SOX5: variants seen among roughly 807,000 people sequenced by gnomAD.
SOX5 encodes the protein SRY-box transcription factor 5, also known as transcription factor SOX-5.
A neutral mutation model predicts 92.0 loss-of-function variants in SOX5; 9 were observed. The ratio of observed to expected loss-of-function variants is 0.10; its 90% CI spans 0.06 to 0.17. The LOEUF is 0.17. Among genes scored for constraint, SOX5 ranks in the 10% least tolerant of loss-of-function variants. The probability of loss-of-function intolerance (pLI) is 1.00; values close to 1 mark genes in which losing one functional copy is unlikely to be tolerated. For synonymous variants in SOX5, 344 were observed against 336.3 expected (o/e 1.02, Z -0.25); for missense variants, 642 against 944.5 (o/e 0.68, Z 4.20).
intron 1 of SOX5, among the ~76,000 whole-genome samples, chr12:24,439,388 T>C (rs775262585): frequency 3.3e-5 from 5 of 152,192 alleles, no homozygotes; most frequent in Non-Finnish European, 5.9e-5. Flanking sequence ...GAGGTATGCC[T>C]GTATAGTTAT....
At chr12:23,806,654 GGA>G (rs889651071) in intron 3 of SOX5, among the ~76,000 whole-genome samples, 16 of 131,334 alleles carry the variant, frequency 1.2e-4, no homozygotes, top group African/African-American at 4.1e-4. Context: ...ATAGTGGAGT[GGA>G]AAAAAAAAAA....
intron 4 of SOX5, among the ~76,000 whole-genome samples, chr12:24,085,248 A>G (rs1397468042): frequency 3.9e-5 from 6 of 152,108 alleles, no homozygotes; most frequent in Admixed American, 1.3e-4. Context: ...CATCCCCTCA[A>G]TGGAATACCT....
intron 4 of SOX5, among the ~76,000 whole-genome samples, chr12:24,104,560 CATCATT>C (rs1182441923): frequency 6.6e-6 from 1 of 152,142 alleles, no homozygotes; most frequent in East Asian, 1.9e-4. Flanking sequence ...TGCTTGGTGA[CATCATT>C]ATCATTATTT....
chr12:23,871,269 A>G lies in SOX5; in HGVS notation c.270+24524T>C, dbSNP rs548302458. ...ACCTACCTATATGTGTAATTGCTAC[A>G]TTTTATGTAACACACAAAATGAATT... On this transcript the variant is annotated intron_variant, in intron 2 of 14. Transcript: ENST00000451604. Among the ~76,000 whole-genome samples the G allele has an allele frequency of 5.9e-5, 9 of 152,326 alleles. No individual in the cohort carries two copies. The East Asian group carries it at 1.7e-3, about 29-fold the overall frequency.
rs149345723 is a variant in SOX5 at position 24,261,370 on chromosome 12, T to G, written c.-77+15846A>C. On this transcript the variant is annotated intron_variant, in intron 3 of 4. Transcript: ENST00000446891. ...AAGGATCACTCCACTGAATTTGTAT[T>G]ACTTGGATTTACCATTGCTCCCAAC... Among the ~76,000 whole-genome samples, 49 of 152,290 alleles carry G rather than the reference T, an allele frequency of 3.2e-4. No homozygotes were observed. The East Asian group carries it at 9.5e-3, about 29-fold the overall frequency.
chr12:23,949,506 C>G (rs1945185519), intron 1 of SOX5, 58 bp downstream of exon 1: 2 of 1,600,674 alleles, frequency 1.2e-6, no homozygotes, highest in Non-Finnish European at 1.7e-6. Context: ...GATTCAGAGA[C>G]TACTGTAAAA....
intron 4 of SOX5, among the ~76,000 whole-genome samples, chr12:24,064,687 G>T (rs1216824956): frequency 6.6e-6 from 1 of 152,104 alleles, no homozygotes; most frequent in East Asian, 1.9e-4. Context: ...GCTGGAACTT[G>T]GTTTTGTTCC....
intron 3 of SOX5, among the ~76,000 whole-genome samples, chr12:24,239,679 G>A (rs1198344772): frequency 6.6e-6 from 1 of 152,110 alleles, no homozygotes; most frequent in Non-Finnish European, 1.5e-5. Context: ...ACAAGCCTTT[G>A]GAAATGTCTA....
Position 24,275,242 on chromosome 12 carries a change from T to C in SOX5, c.-77+1974A>G, listed in dbSNP as rs368486320. On this transcript the variant is annotated intron_variant, in intron 3 of 4. Transcript: ENST00000446891. ...GTAAACTATGAGGAAAATTAAAACT[T>C]CTCATGAGTCCATTATCCAGAGTTA... is the stretch of plus-strand genomic sequence containing the variant. Among the ~76,000 whole-genome samples, 8 of 152,282 alleles carry C rather than the reference T, an allele frequency of 5.3e-5. No homozygotes were observed. In the East Asian group the frequency reaches 5.8e-4, roughly 11 times the overall value.
At chr12:24,506,351 A>T (rs1948738929) in intron 1 of SOX5, among the ~76,000 whole-genome samples, 5 of 152,262 alleles carry the variant, frequency 3.3e-5, no homozygotes. Flanking sequence ...AGAAAAAAAT[A>T]AATTTTGAAA....
intron 6 of SOX5, among the ~76,000 whole-genome samples, chr12:23,714,110 A>G (rs370206892): frequency 3.1e-4 from 47 of 151,816 alleles, no homozygotes; most frequent in African/African-American, 1.1e-3. Flanking sequence ...AAAAAAGAAA[A>G]GATTATTGGT....
At position 24,557,313 on chromosome 12, in the gene SOX5, A is replaced by C. The variant is rs562418780; in HGVS notation, c.-251+5016T>G. On this transcript the variant is annotated intron_variant, in intron 1 of 4. Coordinates refer to the SOX5 transcript ENST00000446891. The stretch of plus-strand genomic sequence containing the variant: ...TGAGGCACAAGAATCCCTTGAACCC[A>C]GGAGGCGGAGGGTTCAACATCCCTC... Among the ~76,000 whole-genome samples the C allele has an allele frequency of 2.6e-5, 4 of 151,450 alleles. 1 individual carries two copies. The South Asian group carries it at 8.4e-4, about 32-fold the overall frequency.
At chr12:24,057,368 G>C (rs1184207620) in intron 4 of SOX5, among the ~76,000 whole-genome samples, 1 of 152,036 alleles carries the variant, frequency 6.6e-6, no homozygotes, top group Admixed American at 6.5e-5. Context: ...CATTGTTTTG[G>C]ATTTATATTT....
intron 2 of SOX5, among the ~76,000 whole-genome samples, chr12:23,867,197 C>T (rs934070962): frequency 6.6e-6 from 1 of 152,156 alleles, no homozygotes; most frequent in African/African-American, 2.4e-5. Context: ...ATTTCCATCT[C>T]ATGGAAGAAA....
chr12:24,492,436 T>C (rs1259260541), intron 1 of SOX5, among the ~76,000 whole-genome samples: 1 of 152,180 alleles, frequency 6.6e-6, no homozygotes, highest in African/African-American at 2.4e-5. Context: ...ACTTCTATCT[T>C]GGGAAGTTCA....
At chr12:24,412,990 C>T (rs112158476) in intron 1 of SOX5, among the ~76,000 whole-genome samples, 1 of 152,110 alleles carries the variant, frequency 6.6e-6, no homozygotes, top group African/African-American at 2.4e-5. Context: ...CTCCTGACCT[C>T]GTGATCCACC....
At chr12:23,556,403 T>A (rs1945183701) in intron 11 of SOX5, among the ~76,000 whole-genome samples, 1 of 152,136 alleles carries the variant, frequency 6.6e-6, no homozygotes, top group South Asian at 2.1e-4. Flanking sequence ...ATGTAGAGAT[T>A]AAAAAATAAT....
rs1237203666 is a variant in SOX5 at position 23,531,656 on chromosome 12, A to AT, written c.*2562dup. On this transcript the variant is annotated 3_prime_UTR_variant, in exon 15 of 15. Transcript: ENST00000451604. ...AAAAATGATATAAAAACAAGTGTCT[A>AT]TTTTTTCCTTATCCAGAGTGCTTAA... 1 of 152,120 alleles carries AT rather than the reference A, an allele frequency of 6.6e-6. No homozygotes were observed. Among genetic ancestry groups the AT allele is most frequent in the Admixed American group, 6.6e-5 (1 of 15,264 alleles). The allele number at this position is 152,120 out of a possible 1,614,324, so 9.4% of individuals were successfully genotyped here.
intron 1 of SOX5, among the ~76,000 whole-genome samples, chr12:23,917,893 G>A (rs1263340861): frequency 4.6e-5 from 7 of 152,074 alleles, no homozygotes; most frequent in African/African-American, 1.7e-4. Flanking sequence ...AAATTATAAT[G>A]GTATGAATAA....
Sources: gnomAD v4.1 joint callset for allele counts (sites outside exome capture counted in the v4.1 genomes callset) on GRCh38, gnomAD v4.1.1 for gene constraint, MANE v1.5 for transcripts, NCBI Gene and HGNC (gene_info 2026-07-23, HGNC 2026-07-21) for gene names.